ARHGAP24: variants seen among roughly 807,000 people sequenced by gnomAD.
The protein encoded by ARHGAP24 is rho GTPase-activating protein 24.
Under a neutral mutation model 76.4 loss-of-function variants are expected in ARHGAP24, and 50 were observed. The ratio of observed to expected loss-of-function variants is 0.65; its 90% confidence interval spans 0.52 to 0.83. The LOEUF is 0.83. Among genes scored for constraint, ARHGAP24 ranks in the 40% least tolerant of loss-of-function variants. The pLI, the probability that ARHGAP24 is intolerant of heterozygous loss-of-function variation, is 0.00. For missense variants in ARHGAP24, 930 were observed against 914.2 expected (o/e 1.02, Z -0.22); for synonymous variants, 345 against 323.3 (o/e 1.07, Z -0.72).
At position 85,556,249 on chromosome 4, in the gene ARHGAP24, G is replaced by C. The variant is rs185192514; in HGVS notation, c.-20-14273G>C. On this transcript the variant is annotated intron_variant, in intron 1 of 9. Coordinates refer to ENST00000395184, the MANE Select transcript of ARHGAP24 (RefSeq NM_001025616.3). ...CCTCAGGTTCTTTATTTCTTCCCCA[G>C]ACTGAGGGCATCAGGTACAGAGAGG... Among the ~76,000 whole-genome samples the C allele has an allele frequency of 2.8e-3, 426 of 152,242 alleles. 2 individuals are homozygous for C. The highest frequency in any genetic ancestry group is 4.2e-3 in the Non-Finnish European group (288 of 68,010).
intron 1 of ARHGAP24, among the ~76,000 whole-genome samples, chr4:85,500,287 A>G (rs1478439986): frequency 2.0e-5 from 3 of 152,186 alleles, no homozygotes; most frequent in Non-Finnish European, 4.4e-5. Context: ...GACAGCCCAG[A>G]TTTCTGTAGT....
chr4:85,936,417 A>T (rs974190355), intron 4 of ARHGAP24, among the ~76,000 whole-genome samples: 2 of 152,106 alleles, frequency 1.3e-5, no homozygotes, highest in Non-Finnish European at 2.9e-5. Flanking sequence ...AAAGGCCTTG[A>T]CTGTGGTAAA....
At chr4:85,683,225 G>T (rs917015697) in intron 2 of ARHGAP24, among the ~76,000 whole-genome samples, 5 of 151,838 alleles carry the variant, frequency 3.3e-5, no homozygotes, top group Non-Finnish European at 7.4e-5. Flanking sequence ...GGTTTGTTGA[G>T]GAGCATGGTA....
intron 2 of ARHGAP24, among the ~76,000 whole-genome samples, chr4:85,614,104 A>G (rs966301073): frequency 6.6e-6 from 1 of 152,236 alleles, no homozygotes; most frequent in African/African-American, 2.4e-5. Context: ...GCAAAAAATG[A>G]TGATCAAATT....
intron 5 of ARHGAP24, among the ~76,000 whole-genome samples, chr4:85,958,414 G>T (rs1198280577): frequency 2.0e-5 from 3 of 152,074 alleles, no homozygotes; most frequent in Non-Finnish European, 1.5e-5. Context: ...ACATTTTATG[G>T]TATAAGGAAA....
chr4:85,526,900 T>A (rs1725026122), intron 1 of ARHGAP24, among the ~76,000 whole-genome samples: 1 of 152,188 alleles, frequency 6.6e-6, no homozygotes, highest in South Asian at 2.1e-4. Flanking sequence ...GTATTAATAT[T>A]TTACTTTTAG....
At chr4:85,936,461 G>A (rs1736638645) in intron 4 of ARHGAP24, among the ~76,000 whole-genome samples, 1 of 151,912 alleles carries the variant, frequency 6.6e-6, no homozygotes, top group Non-Finnish European at 1.5e-5. Context: ...TTTATACCTG[G>A]GACCCATCCC....
At chr4:85,898,191 T>TTTA (rs1002452388) in intron 3 of ARHGAP24, among the ~76,000 whole-genome samples, 5 of 151,452 alleles carry the variant, frequency 3.3e-5, no homozygotes, top group Non-Finnish European at 5.9e-5. Flanking sequence ...CTATTATTAT[T>TTTA]TTATTATTAT....
chr4:85,677,046 T>C (rs1723007443), intron 2 of ARHGAP24, among the ~76,000 whole-genome samples: 1 of 152,146 alleles, frequency 6.6e-6, no homozygotes, highest in African/African-American at 2.4e-5. Context: ...GCACTCACAC[T>C]GGGGGAAAAC....
chr4:85,619,371 C>T (rs1009308999), intron 2 of ARHGAP24, among the ~76,000 whole-genome samples: 1 of 151,564 alleles, frequency 6.6e-6, no homozygotes, highest in Non-Finnish European at 1.5e-5. Flanking sequence ...GCTCTATATT[C>T]GTAGTTTATT....
At chr4:85,850,815 G>A (rs345338) in intron 3 of ARHGAP24, among the ~76,000 whole-genome samples, 151,216 of 152,326 alleles carry the variant, frequency 0.99, 75,068 homozygotes, top group Middle Eastern at 1. Context: ...TCTGAGAGAC[G>A]GTTTGTTGTG....
intron 2 of ARHGAP24, among the ~76,000 whole-genome samples, chr4:85,700,087 G>A (rs1724020564): frequency 6.6e-6 from 1 of 152,054 alleles, no homozygotes; most frequent in Non-Finnish European, 1.5e-5. Flanking sequence ...TAAGTGACCA[G>A]TACATCTGTT....
At position 85,570,523 on chromosome 4, in the gene ARHGAP24, A is replaced by G. The variant is rs1187362714; in HGVS notation, c.-19A>G. On this transcript the variant is annotated splice_region_variant and 5_prime_UTR_variant, in exon 2 of 10. Transcript: ENST00000395184. ...CCTTTCTTTTTGTTTGCTAACTAGGAAAGTCCATCAGCTTGATAATGGAGG... is the reference window on the plus strand; with the variant it reads ...CCTTTCTTTTTGTTTGCTAACTAGGGAAGTCCATCAGCTTGATAATGGAGG... 3.1e-6 allele frequency: 5 copies of G among 1,613,180 alleles called. No homozygotes were observed. The highest frequency in any genetic ancestry group is 2.2e-5 in the South Asian group (2 of 91,062).
intron 2 of ARHGAP24, among the ~76,000 whole-genome samples, chr4:85,655,340 T>C (rs1722098288): frequency 6.6e-6 from 1 of 152,218 alleles, no homozygotes; most frequent in African/African-American, 2.4e-5. Flanking sequence ...TATTGAACAA[T>C]GTTCTTTAGG....
At chr4:85,703,679 G>T (rs1327374705) in intron 2 of ARHGAP24, among the ~76,000 whole-genome samples, 1 of 152,020 alleles carries the variant, frequency 6.6e-6, no homozygotes, top group Non-Finnish European at 1.5e-5. Context: ...CCTTGATATT[G>T]AACTTCTCAA....
chr4:85,596,208 C>T lies in ARHGAP24; in HGVS notation c.180+25487C>T, dbSNP rs530961984. 6.4e-4 allele frequency among the ~76,000 whole-genome samples: 97 copies of T among 151,908 alleles called. 1 individual carries two copies. Among genetic ancestry groups the T allele is most frequent in the African/African-American group, 2.2e-3 (91 of 41,468 alleles). ...CTTTAGTTTTCTTTGAAGAAAATAG[C>T]AATGCAGTTTTATGAGTCCAGTTTT... is the stretch of plus-strand genomic sequence containing the variant. On this transcript the variant is annotated intron_variant, in intron 2 of 9. Transcript: ENST00000395184.
intron 2 of ARHGAP24, among the ~76,000 whole-genome samples, chr4:85,685,339 T>C (rs1401848709): frequency 6.6e-6 from 1 of 152,038 alleles, no homozygotes; most frequent in Non-Finnish European, 1.5e-5. Flanking sequence ...AACAGAAGTC[T>C]CCACAAAGTG....
In ARHGAP24 at chr4:85,856,443, A is replaced by G. The variant is rs115639622; in HGVS notation, c.269-67205A>G. Among the ~76,000 whole-genome samples the G allele has an allele frequency of 2.1e-3, 316 of 151,248 alleles. 1 individual carries two copies. The highest frequency in any genetic ancestry group is 3.4e-3 in the Non-Finnish European group (232 of 67,854). On this transcript the variant is annotated intron_variant, in intron 3 of 9. Transcript: ENST00000395184. The stretch of plus-strand genomic sequence containing the variant: ...ATGAACATATGATACTTTTTTAATA[A>G]TAAAAGAATTTTTAAAAGGAAATTA...
chr4:85,849,228 T>C (rs1681885410), intron 3 of ARHGAP24, among the ~76,000 whole-genome samples: 1 of 150,424 alleles, frequency 6.6e-6, no homozygotes, highest in African/African-American at 2.4e-5. Context: ...GAGAGTTCAC[T>C]CTTGATTTGG....
Sources: allele counts gnomAD v4.1 joint callset (sites outside exome capture counted in the v4.1 genomes callset), GRCh38; gene constraint gnomAD v4.1.1; transcripts MANE v1.5; gene names NCBI Gene and HGNC (gene_info 2026-07-23, HGNC 2026-07-21).